The following JAK1 variants were observed in gnomAD, a reference collection of about 807,000 sequenced individuals.
The protein encoded by JAK1 is tyrosine-protein kinase JAK1.
In JAK1, 16 loss-of-function variants were observed where a neutral mutation model predicts 136.6. That is an observed-to-expected ratio of 0.12 (90% CI 0.08 to 0.18). The LOEUF (loss-of-function observed/expected upper bound fraction) is 0.18. Among genes scored for constraint, JAK1 ranks in the 10% least tolerant of loss-of-function variants. The probability of loss-of-function intolerance (pLI) is 1.00; values close to 1 mark genes in which losing one functional copy is unlikely to be tolerated. For synonymous variants in JAK1, 492 were observed against 519.5 expected, an observed-to-expected ratio of 0.95 and a Z score of 0.72; for missense variants, 859 against 1,450.1, an observed-to-expected ratio of 0.59 and a Z score of 6.62.
intron 1 of JAK1, among the ~76,000 whole-genome samples, chr1:64,933,364 A>AC (rs1379479254): frequency 6.6e-6 from 1 of 152,226 alleles, no homozygotes; most frequent in Non-Finnish European, 1.5e-5. Flanking sequence ...CAGCGAAACT[A>AC]TTCATGAGTG....
intron 5 of JAK1, among the ~76,000 whole-genome samples, chr1:64,869,950 TCAC>T (rs893140916): frequency 2.0e-5 from 3 of 152,178 alleles, no homozygotes; most frequent in African/African-American, 7.2e-5. Flanking sequence ...CAGTGCATCA[TCAC>T]CACATGTACA....
chr1:65,038,198 C>CTTTTTTT (rs113538392), intron 2 of JAK1, among the ~76,000 whole-genome samples: 14 of 133,274 alleles, frequency 1.1e-4, no homozygotes, highest in East Asian at 2.3e-4. Flanking sequence ...TTTTTCTTTT[C>CTTTTTTT]TTTTTTTTTT....
At chr1:64,990,945 G>GAAC (rs200058932) in intron 2 of JAK1, 1 of 130,622 alleles carries the variant, frequency 7.7e-6, no homozygotes, top group Non-Finnish European at 1.6e-5. Context: ...AAAAAGAAAA[G>GAAC]AAGAAAAAAA....
chr1:64,968,267 C>T (rs529839895), upstream of JAK1, among the ~76,000 whole-genome samples: 23 of 152,036 alleles, frequency 1.5e-4, no homozygotes, highest in East Asian at 4.5e-3. Context: ...CTATAACAGA[C>T]ATTGTGCTAG....
rs1441762261 is a variant in JAK1 at position 64,833,466 on chromosome 1, C to T, written c.*1096G>A. ...GACTCTTGGTCATAAAGACCGTAAT[C>T]GTTCACATTGAATCAATGACTAAAC... is the stretch of plus-strand genomic sequence containing the variant. On this transcript the variant is annotated 3_prime_UTR_variant, in exon 25 of 25. Transcript: ENST00000342505. 2.1e-5 allele frequency: 5 copies of T among 233,010 alleles called. No individual in the cohort carries two copies. The highest frequency in any genetic ancestry group is 1.1e-4 in the Admixed American group (2 of 17,790). The allele number at this position is 233,010 out of a possible 1,614,324, so 14.4% of individuals were successfully genotyped here.
At chr1:64,886,236 T>A (rs1553164816) in intron 2 of JAK1, 23 bp downstream of exon 2, 9 of 1,541,226 alleles carry the variant, frequency 5.8e-6, no homozygotes, top group South Asian at 1.2e-5. Context: ...TTTCCTTTTT[T>A]AAAAATATGC....
At chr1:65,026,185 A>G (rs896350518) in intron 2 of JAK1, among the ~76,000 whole-genome samples, 3 of 152,218 alleles carry the variant, frequency 2.0e-5, no homozygotes, top group African/African-American at 7.2e-5. Context: ...TTTGCTTTCC[A>G]GATGGGACTG....
At chr1:65,044,697 C>T (rs12041826) in intron 1 of JAK1, among the ~76,000 whole-genome samples, 21,290 of 152,052 alleles carry the variant, frequency 0.14, 1,692 homozygotes, top group African/African-American at 0.22. Flanking sequence ...AGCCAACAGG[C>T]CAACGGCAAG....
chr1:64,847,616 G>A lies in JAK1; in HGVS notation c.1815C>T (p.Tyr605=), dbSNP rs1655322712. The A allele has an allele frequency of 9.9e-6, 16 of 1,614,096 alleles. No individual in the cohort carries two copies. Among genetic ancestry groups the A allele is most frequent in the Non-Finnish European group, 1.3e-5 (15 of 1,179,992 alleles). The change falls in exon 13 of 25, where the codon TAC becomes TAT. Residue 605 remains tyrosine, a synonymous_variant. Coordinates refer to ENST00000342505, the MANE Select transcript of JAK1 (RefSeq NM_002227.4). ...CTTCAGAAGTTCCTTCGTCATCCTT[G>A]TAATCCATCAGGGTCCCAGAATAGA... is the stretch of plus-strand genomic sequence containing the variant. ...THIYSGTLMD[Y]KDDEGTSEEK... is the part of the protein sequence containing the mutation.
At chr1:64,960,779 A>G (rs1258276439) in intron 1 of JAK1, among the ~76,000 whole-genome samples, 2 of 152,154 alleles carry the variant, frequency 1.3e-5, no homozygotes, top group Non-Finnish European at 2.9e-5. Context: ...TAACCCCTAA[A>G]TGAGACATCT....
chr1:65,017,837 A>G (rs1307965072), intron 2 of JAK1, among the ~76,000 whole-genome samples: 5 of 150,356 alleles, frequency 3.3e-5, no homozygotes, highest in Non-Finnish European at 3.0e-5. Context: ...TTTTTTTGAC[A>G]GATTCTCACT....
chr1:64,887,527 G>A (rs1298748118), intron 1 of JAK1, among the ~76,000 whole-genome samples: 3 of 152,110 alleles, frequency 2.0e-5, no homozygotes, highest in Non-Finnish European at 4.4e-5. Flanking sequence ...CAGCTCTGCA[G>A]AAACTAAGCT....
chr1:64,841,333 T>A lies in JAK1; in HGVS notation c.2561A>T (p.Asp854Val). 6.2e-7 allele frequency: 1 copy of A among 1,613,714 alleles called. No individual in the cohort carries two copies. Residue 854 changes from aspartate (D) to valine (V), a missense_variant, in exon 19 of 25, where the codon GAT becomes GTT. By Grantham distance (152) the Asp-to-Val change is radical. This residue lies in a region of JAK1 where 409 missense variants were observed against 753.8 expected (regional missense o/e 0.54). Coordinates refer to ENST00000342505, the MANE Select transcript of JAK1 (RefSeq NM_002227.4). ...TGCTGGTTTTTTTTCTGAAACAATATCTGGATCTAACAGAAGAGAAAAGAA... is the reference window on the plus strand; with the variant it reads ...TGCTGGTTTTTTTTCTGAAACAATAACTGGATCTAACAGAAGAGAAAAGAA... The part of the protein sequence containing the change: ...DINKLEEQNP[D>V]IVSEKKPATE...
chr1:65,065,484 C>T (rs1647997379), intron 1 of JAK1, among the ~76,000 whole-genome samples: 1 of 151,780 alleles, frequency 6.6e-6, no homozygotes, highest in Admixed American at 6.6e-5. Context: ...CCCCAAATAT[C>T]TATCACAGAA....
At chr1:64,933,841 G>A (rs151048517) in intron 1 of JAK1, among the ~76,000 whole-genome samples, 55 of 152,336 alleles carry the variant, frequency 3.6e-4, no homozygotes, top group African/African-American at 1.1e-3. Context: ...TCCTGGGTTT[G>A]CCTTTAAATT....
chr1:64,994,953 T>A (rs1646690518), intron 2 of JAK1: 1 of 112,802 alleles, frequency 8.9e-6, no homozygotes. Flanking sequence ...ATTTGGTAAT[T>A]CCTAAACTGC....
intron 6 of JAK1, among the ~76,000 whole-genome samples, 170 bp from the exon 7 acceptor site, chr1:64,867,378 G>A (rs1656771377): frequency 6.6e-6 from 1 of 152,226 alleles, no homozygotes; most frequent in Admixed American, 6.5e-5. Flanking sequence ...ATAAGGAGAT[G>A]CAGGTGAATA....
Position 64,906,937 on chromosome 1 carries a change from T to G in JAK1, c.-77-20596A>C, listed in dbSNP as rs1645199297. Among the ~76,000 whole-genome samples, 4 of 150,534 alleles carry G rather than the reference T, an allele frequency of 2.7e-5. No individual in the cohort carries two copies. The South Asian group carries it at 8.3e-4, about 31-fold the overall frequency. On this transcript the variant is annotated intron_variant, in intron 1 of 24. Coordinates refer to ENST00000342505, the MANE Select transcript of JAK1 (RefSeq NM_002227.4). ...TTTTCTTTTTCCTTTTACCACTATC[T>G]ACCCACTAAATGCACATACTCAAAA...
At chr1:65,058,922 G>T (rs1158275776) in intron 1 of JAK1, among the ~76,000 whole-genome samples, 1 of 152,022 alleles carries the variant, frequency 6.6e-6, no homozygotes, top group Non-Finnish European at 1.5e-5. Context: ...TCTTCTAGAT[G>T]TTCAGGAAAT....
Sources: gnomAD v4.1 joint callset for allele counts (sites outside exome capture counted in the v4.1 genomes callset) on GRCh38, gnomAD v4.1.1 for gene constraint, gnomAD v4.1.1 regional missense constraint, MANE v1.5 for transcripts, NCBI Gene and HGNC (gene_info 2026-07-23, HGNC 2026-07-21) for gene names.